SAP30BP: variants seen among roughly 807,000 people sequenced by gnomAD.
The protein encoded by SAP30BP is SAP30 binding protein.
In SAP30BP, 31 loss-of-function variants were observed where a neutral mutation model predicts 46.3. The observed-to-expected ratio is 0.67, with a 90% CI of 0.50 to 0.90. The LOEUF is 0.90. Among genes scored for constraint, SAP30BP ranks in the 40% least tolerant of loss-of-function variants. The pLI, the probability that SAP30BP is intolerant of heterozygous loss-of-function variation, is 0.00. For synonymous variants in SAP30BP, 169 were observed against 144.2 expected (o/e 1.17, Z -1.23); for missense variants, 312 against 391.0 (o/e 0.80, Z 1.70).
At chr17:75,670,013 A>G (rs1025488730) in intron 2 of SAP30BP, among the ~76,000 whole-genome samples, 27 of 152,194 alleles carry the variant, frequency 1.8e-4, no homozygotes, top group Non-Finnish European at 3.4e-4. Context: ...ACATGTTGGT[A>G]TGTAAATGTT....
chr17:75,702,473 T>A lies in SAP30BP; in HGVS notation c.397-7T>A. ...CACCCCCCCACCCCCTCTGCTCCTCTTCACAGGACAAGATCCAGAAGCTTT... is the reference window on the plus strand; with the variant it reads ...CACCCCCCCACCCCCTCTGCTCCTCATCACAGGACAAGATCCAGAAGCTTT... On this transcript the variant is annotated splice_polypyrimidine_tract_variant and splice_region_variant and intron_variant, in intron 5 of 10. Transcript: ENST00000584667. 6.9e-7 allele frequency: 1 copy of A among 1,439,684 alleles called. No homozygotes were observed. Among genetic ancestry groups the A allele is most frequent in the Non-Finnish European group, 9.7e-7 (1 of 1,026,382 alleles). 89.2% of individuals were successfully genotyped at this position (1,439,684 alleles called of 1,614,324 possible).
chr17:75,696,185 C>T (rs917724417), intron 4 of SAP30BP, among the ~76,000 whole-genome samples: 1 of 152,120 alleles, frequency 6.6e-6, no homozygotes, highest in African/African-American at 2.4e-5. Flanking sequence ...AGCGCTGCTT[C>T]CAAGAGACTG....
chr17:75,679,298 C>T (rs1476148221), intron 3 of SAP30BP, among the ~76,000 whole-genome samples: 1 of 152,098 alleles, frequency 6.6e-6, no homozygotes, highest in Non-Finnish European at 1.5e-5. Flanking sequence ...GCCCGGCCTT[C>T]AGGCAAGTTG....
chr17:75,703,520 A>G (rs1045880611), intron 7 of SAP30BP, 149 bp downstream of exon 7: 21 of 704,882 alleles, frequency 3.0e-5, no homozygotes, highest in Admixed American at 9.4e-5. Flanking sequence ...TTGAGTCCCT[A>G]TTGTTCTGAA....
At chr17:75,692,317 G>A in intron 3 of SAP30BP, 2 of 985,498 alleles carry the variant, frequency 2.0e-6, no homozygotes, top group Non-Finnish European at 1.2e-6. Context: ...AGCCTGCGGA[G>A]CTCTGCACCT....
At chr17:75,685,890 C>G (rs1213396515) in intron 3 of SAP30BP, among the ~76,000 whole-genome samples, 1 of 152,206 alleles carries the variant, frequency 6.6e-6, no homozygotes, top group Non-Finnish European at 1.5e-5. Flanking sequence ...GAATGGCCCT[C>G]TCTGACCATC....
At chr17:75,691,824 G>C in intron 3 of SAP30BP, 1 of 257,992 alleles carries the variant, frequency 3.9e-6, no homozygotes, top group Non-Finnish European at 7.7e-6. Flanking sequence ...AAATGTGAGG[G>C]CATTTTACAG....
Position 75,667,420 on chromosome 17 carries a change from A to G in SAP30BP, c.48A>G (p.Glu16=). 6.2e-7 allele frequency: 1 copy of G among 1,614,190 alleles called. No individual in the cohort carries two copies. The highest frequency in any genetic ancestry group is 2.2e-5 in the East Asian group (1 of 44,884). ...TGTCGTCTCTCGCAGTTTACGCGGA[A>G]GATTCAGAGCCCGAGTCTGATGGCG... ...NVLSSLAVYA[E]DSEPESDGEA... The change falls in exon 1 of 11, where the codon GAA becomes GAG. Residue 16 remains glutamate, a synonymous_variant. Coordinates refer to ENST00000584667, the MANE Select transcript of SAP30BP (RefSeq NM_013260.8).
intron 3 of SAP30BP, among the ~76,000 whole-genome samples, chr17:75,687,618 GAAAA>G (rs112544254): frequency 8.8e-6 from 1 of 113,466 alleles, no homozygotes; most frequent in Non-Finnish European, 1.9e-5. Context: ...CCTGTCTCAG[GAAAA>G]AAAAAAAAAA....
chr17:75,670,755 C>T (rs1037888692), intron 2 of SAP30BP, among the ~76,000 whole-genome samples: 1 of 152,164 alleles, frequency 6.6e-6, no homozygotes, highest in African/African-American at 2.4e-5. Context: ...CTTGGACTCA[C>T]TGGTACCTTA....
chr17:75,679,159 G>T (rs1419371784), intron 3 of SAP30BP, among the ~76,000 whole-genome samples: 1 of 151,954 alleles, frequency 6.6e-6, no homozygotes, highest in Non-Finnish European at 1.5e-5. Context: ...ACCACACCTG[G>T]CTAATTTTTT....
chr17:75,706,400 C>T lies in SAP30BP; in HGVS notation c.806C>T (p.Pro269Leu). The T allele has an allele frequency of 6.2e-7, 1 of 1,614,122 alleles. No homozygotes were observed. Residue 269 changes from proline to leucine, a missense_variant, in exon 11 of 11, where the codon CCC becomes CTC. By Grantham distance (98) the Pro-to-Leu change is moderately conservative. This residue lies in a region of SAP30BP where 296 missense variants were observed against 346.6 expected (regional missense o/e 0.85). Coordinates refer to ENST00000584667, the MANE Select transcript of SAP30BP (RefSeq NM_013260.8). This position sits in a 1 kb window ranked among gnomAD's most constrained non-coding sequence, Gnocchi z 4.6. ...SAIPVTTIAQ[P>L]TILTTTATLP... is the part of the protein sequence containing the mutation. ...ATCCCAGTGACAACGATAGCCCAGC[C>T]CACCATCCTCACCACCACAGCCACC... is the stretch of plus-strand genomic sequence containing the variant.
intron 5 of SAP30BP, 152 bp from the exon 6 acceptor site, chr17:75,702,328 A>G: frequency 2.2e-6 from 1 of 459,524 alleles, no homozygotes; most frequent in Non-Finnish European, 4.0e-6. Flanking sequence ...CTGGCTGAGG[A>G]TAGGTTAAAT....
rs183347157 is a variant in SAP30BP, at chr17:75,693,391, G to C, written c.265-49G>C. 47 of 1,529,992 alleles carry C rather than the reference G, an allele frequency of 3.1e-5. No individual in the cohort carries two copies. The African/African-American group carries it at 6.0e-4, about 20-fold the overall frequency. The allele number at this position is 1,529,992 out of a possible 1,614,324, so 94.8% of individuals were successfully genotyped here. On this transcript the variant is annotated intron_variant, in intron 3 of 10. Transcript: ENST00000584667. ...TGAGTGGTCTCAGTAGAGAGTAGCT[G>C]GTTCAGGAGCCCCAGTCTTACCTCC...
At chr17:75,674,933 G>C (rs115547668) in intron 3 of SAP30BP, among the ~76,000 whole-genome samples, 1 of 151,644 alleles carries the variant, frequency 6.6e-6, no homozygotes, top group African/African-American at 2.4e-5. Flanking sequence ...GAACTCCTGG[G>C]CTCAAGTAAT....
At chr17:75,672,634 C>T (rs1443966955) in intron 3 of SAP30BP, among the ~76,000 whole-genome samples, 3 of 152,062 alleles carry the variant, frequency 2.0e-5, no homozygotes, top group Admixed American at 1.3e-4. Context: ...ACTCTAGACC[C>T]GGGGAATAAG....
rs753982408 is a variant in SAP30BP, at chr17:75,702,502, A to G, written c.419A>G (p.Glu140Gly). 3 of 1,576,612 alleles carry G rather than the reference A, an allele frequency of 1.9e-6. No homozygotes were observed. Among genetic ancestry groups the G allele is most frequent in the East Asian group, 4.5e-5 (2 of 44,276 alleles). Residue 140 changes from glutamate (E) to glycine (G), a missense_variant, in exon 6 of 11, where the codon GAA becomes GGA. Coordinates refer to ENST00000584667, the MANE Select transcript of SAP30BP (RefSeq NM_013260.8). ...CAGGACAAGATCCAGAAGCTTTATG[A>G]ACGAAAGATAAAGGAGGGAATGGAT... ...HLQDKIQKLY[E>G]RKIKEGMDMN...
At chr17:75,693,150 A>G (rs2060264487) in intron 3 of SAP30BP, 2 of 374,686 alleles carry the variant, frequency 5.3e-6, no homozygotes, top group Non-Finnish European at 9.9e-6. Flanking sequence ...AGTTGGCTGC[A>G]GCAGGCTTGC....
chr17:75,704,275 TAC>T (rs1405028976), intron 8 of SAP30BP, among the ~76,000 whole-genome samples: 1 of 152,176 alleles, frequency 6.6e-6, no homozygotes, highest in Non-Finnish European at 1.5e-5. Flanking sequence ...TTTCTTAAGA[TAC>T]CAGTTTGGGA....
Sources: gnomAD v4.1 joint callset for allele counts (sites outside exome capture counted in the v4.1 genomes callset) on GRCh38, gnomAD v4.1.1 for gene constraint, gnomAD v4.1.1 regional missense constraint, Gnocchi (gnomAD v3.1) non-coding constraint, MANE v1.5 for transcripts, NCBI Gene and HGNC (gene_info 2026-07-23, HGNC 2026-07-21) for gene names.